PATJ: variants seen among roughly 807,000 people sequenced by gnomAD.
The protein encoded by PATJ is inaD-like protein.
A neutral mutation model predicts 224.9 loss-of-function variants in PATJ; 190 were observed. The observed-to-expected ratio is 0.84, with a 90% confidence interval of 0.75 to 0.95. The LOEUF is 0.95. Among genes scored for constraint, PATJ ranks in the 40% least tolerant of loss-of-function variants. The pLI, the probability that PATJ is intolerant of heterozygous loss-of-function variation, is 0.00. For synonymous variants in PATJ, 769 were observed against 820.3 expected (o/e 0.94, Z 1.07); for missense variants, 2,121 against 2,270.3 (o/e 0.93, Z 1.34).
intron 28 of PATJ, among the ~76,000 whole-genome samples, chr1:62,013,040 GA>G (rs1646544965): frequency 6.6e-6 from 1 of 152,234 alleles, no homozygotes; most frequent in African/African-American, 2.4e-5. Flanking sequence ...ATTGGCACTG[GA>G]AAAAACATCA....
chr1:61,960,329 C>A (rs1303872949), intron 27 of PATJ, among the ~76,000 whole-genome samples: 1 of 152,138 alleles, frequency 6.6e-6, no homozygotes, highest in Non-Finnish European at 1.5e-5. Flanking sequence ...TCCTTTCCCT[C>A]ATATCTTCCT....
At chr1:62,032,704 G>A (rs1213385562) in intron 29 of PATJ, among the ~76,000 whole-genome samples, 1 of 152,124 alleles carries the variant, frequency 6.6e-6, no homozygotes, top group Non-Finnish European at 1.5e-5. Flanking sequence ...GGTATTCTTA[G>A]CATGCTTTTG....
chr1:61,965,015 G>A (rs1681886059), intron 27 of PATJ, among the ~76,000 whole-genome samples: 1 of 150,766 alleles, frequency 6.6e-6, no homozygotes, highest in Non-Finnish European at 1.5e-5. Context: ...GGGAGGCTGA[G>A]GTGAGAGAAT....
At chr1:61,898,260 A>T (rs1201054240) in intron 22 of PATJ, among the ~76,000 whole-genome samples, 1 of 152,104 alleles carries the variant, frequency 6.6e-6, no homozygotes, top group Admixed American at 6.6e-5. Context: ...TTTGTTTTTG[A>T]GACAGGATCT....
At chr1:61,813,241 C>T (rs558647203) in intron 14 of PATJ, among the ~76,000 whole-genome samples, 107 of 150,440 alleles carry the variant, frequency 7.1e-4, no homozygotes, top group Non-Finnish European at 1.4e-3. Context: ...TCTCTTTCTC[C>T]AGGCAGAAGA....
chr1:61,928,533 C>G (rs1157262552), intron 27 of PATJ, among the ~76,000 whole-genome samples: 1 of 151,896 alleles, frequency 6.6e-6, no homozygotes, highest in Non-Finnish European at 1.5e-5. Context: ...GAATGTTTTC[C>G]CTTCTACAAT....
chr1:61,809,390 T>C (rs1557682237), intron 14 of PATJ, among the ~76,000 whole-genome samples: 1 of 149,216 alleles, frequency 6.7e-6, no homozygotes, highest in Non-Finnish European at 1.5e-5. Flanking sequence ...GTATTTTCTT[T>C]TTTTTTTTTT....
In PATJ at chr1:62,121,266, G is replaced by C. The variant is rs371228092; in HGVS notation, c.4976G>C (p.Arg1659Thr). 3.1e-6 allele frequency: 5 copies of C among 1,612,852 alleles called. No homozygotes were observed. The highest frequency in any genetic ancestry group is 2.2e-5 in the South Asian group (2 of 91,050). ...CTGCAAAACCTGGTTGGCACAAAAA[G>C]AGTTTCAGATCCTTCCCAGAAAAAT... ...TGLQNLVGTKRVSDPSQKNSG... is the reference protein window; with the variant it reads ...TGLQNLVGTKTVSDPSQKNSG... Residue 1659 changes from arginine to threonine, a missense_variant, in exon 38 of 44, where the codon AGA (arginine) becomes ACA (threonine). By Grantham distance (71) the Arg-to-Thr change is moderately conservative (BLOSUM62 -1). Coordinates refer to ENST00000642238, the MANE Select transcript of PATJ (RefSeq NM_001350145.3).
At chr1:62,076,776 G>A (rs79213677) in intron 31 of PATJ, among the ~76,000 whole-genome samples, 206 of 152,246 alleles carry the variant, frequency 1.4e-3, no homozygotes, top group African/African-American at 4.7e-3. Flanking sequence ...TAAAAGTCGC[G>A]TGATTTTTCA....
At chr1:62,048,566 AAAAAGAAAAAGAAAG>A (rs1558092559) in intron 30 of PATJ, among the ~76,000 whole-genome samples, 1 of 149,058 alleles carries the variant, frequency 6.7e-6, no homozygotes, top group Non-Finnish European at 1.5e-5. Context: ...AAAAAAAAAA[AAAAAGAAAAAGAAAG>A]AAAAGAAAAT....
chr1:61,987,918 GC>G (rs1644851458), intron 27 of PATJ, among the ~76,000 whole-genome samples: 1 of 152,134 alleles, frequency 6.6e-6, no homozygotes. Context: ...AATTACTGGG[GC>G]CAGACATGGT....
intron 10 of PATJ, among the ~76,000 whole-genome samples, chr1:61,796,129 T>TG (rs1301892510): frequency 6.6e-6 from 1 of 152,216 alleles, no homozygotes; most frequent in Non-Finnish European, 1.5e-5. Flanking sequence ...AAACAAATGC[T>TG]GGGTGGTATG....
At chr1:62,153,523 C>G (rs1024436401) in intron 43 of PATJ, 42 bp downstream of exon 43, 6 of 1,197,192 alleles carry the variant, frequency 5.0e-6, no homozygotes, top group Admixed American at 4.2e-5. Context: ...AAAAATTAAA[C>G]CTAGGTGAGA....
In PATJ at chr1:61,880,162, T is replaced by C. The variant is rs1188304967; in HGVS notation, c.2960-4075T>C. Among the ~76,000 whole-genome samples, 3 of 152,336 alleles carry C rather than the reference T, an allele frequency of 2.0e-5. No homozygotes were observed. In the South Asian group the frequency reaches 6.2e-4, roughly 32 times the overall value. ...TTTCTTTCTGTTCCTACCTGTTGCC[T>C]TATTTTCCTTCTTAGACCTTACCAT... On this transcript the variant is annotated intron_variant, in intron 21 of 43. Coordinates refer to ENST00000642238, the MANE Select transcript of PATJ (RefSeq NM_001350145.3).
intron 28 of PATJ, among the ~76,000 whole-genome samples, chr1:62,001,616 G>T (rs1266411045): frequency 6.6e-6 from 1 of 151,814 alleles, no homozygotes; most frequent in Admixed American, 6.6e-5. Flanking sequence ...ATCAGGTAGC[G>T]TGATGCCTCC....
At chr1:61,795,770 A>G (rs1650958973) in intron 10 of PATJ, among the ~76,000 whole-genome samples, 1 of 149,370 alleles carries the variant, frequency 6.7e-6, no homozygotes, top group Non-Finnish European at 1.5e-5. Context: ...TTCACTAAAC[A>G]TATTGGTAAA....
intron 4 of PATJ, among the ~76,000 whole-genome samples, chr1:61,768,352 C>T (rs534803740): frequency 9.9e-5 from 15 of 151,992 alleles, no homozygotes; most frequent in African/African-American, 3.6e-4. Context: ...CGCCTGTAGT[C>T]CCAGCTACTC....
chr1:61,837,387 C>T (rs915970141), intron 17 of PATJ, among the ~76,000 whole-genome samples: 1 of 152,108 alleles, frequency 6.6e-6, no homozygotes, highest in Admixed American at 6.6e-5. Flanking sequence ...TAAATTTAAT[C>T]TTAAAATTGT....
chr1:62,151,215 T>C (rs1013941916), intron 42 of PATJ, among the ~76,000 whole-genome samples: 18 of 152,212 alleles, frequency 1.2e-4, no homozygotes, highest in Admixed American at 6.5e-5. Flanking sequence ...GCAGTAACTA[T>C]GGATGTCTGC....
Sources: allele counts gnomAD v4.1 joint callset (sites outside exome capture counted in the v4.1 genomes callset), GRCh38; gene constraint gnomAD v4.1.1; transcripts MANE v1.5; gene names NCBI Gene and HGNC (gene_info 2026-07-23, HGNC 2026-07-21).